Variants in USP8 observed in about 807,000 individuals in gnomAD.
USP8 encodes the protein ubiquitin carboxyl-terminal hydrolase 8.
In USP8, 27 loss-of-function variants were observed where a neutral mutation model predicts 130.0. The observed-to-expected ratio is 0.21, with a 90% CI of 0.15 to 0.29. USP8 has a LOEUF of 0.29. USP8 is among the 10% of genes least tolerant of loss of function. The probability of loss-of-function intolerance (pLI) is 1.00; values close to 1 mark genes in which losing one functional copy is unlikely to be tolerated. For missense variants in USP8, 1,029 were observed against 1,312.2 expected (o/e 0.78, Z 3.33); for synonymous variants, 392 against 444.1 (o/e 0.88, Z 1.48).
chr15:50,471,621 A>T lies in USP8; in HGVS notation c.687-12A>T. On this transcript the variant is annotated splice_polypyrimidine_tract_variant and intron_variant, in intron 7 of 19. Coordinates refer to ENST00000307179, the MANE Select transcript of USP8 (RefSeq NM_005154.5). The stretch of plus-strand genomic sequence containing the variant: ...TGACTTTTGCCCCAATTTAAATATT[A>T]ATACATTTCAGAGTCACTGCTAGTT... The T allele has an allele frequency of 6.2e-7, 1 of 1,605,632 alleles. No homozygotes were observed. Among genetic ancestry groups the T allele is most frequent in the Non-Finnish European group, 8.5e-7 (1 of 1,178,280 alleles).
At position 50,498,921 on chromosome 15, in the gene USP8, G is replaced by T; in HGVS notation, c.3190G>T (p.Asp1064Tyr). 6.2e-7 allele frequency: 1 copy of T among 1,611,324 alleles called. No homozygotes were observed. The highest frequency in any genetic ancestry group is 1.3e-5 in the African/African-American group (1 of 74,912). Residue 1064 changes from aspartate to tyrosine, a missense_variant, in exon 20 of 20, where the codon GAT (aspartate) becomes TAT (tyrosine). Coordinates refer to ENST00000307179, the MANE Select transcript of USP8 (RefSeq NM_005154.5). ...GGCACAGAATCACTACGGTGGGCTG[G>T]ATGGAGGCCACTACACAGCCTATTG... ...FSVSNHYGGL[D>Y]GGHYTAYCKN...
intron 3 of USP8, 69 bp from the exon 4 acceptor site, chr15:50,449,331 G>T (rs1441073526): frequency 2.0e-6 from 2 of 980,836 alleles, no homozygotes; most frequent in Admixed American, 2.9e-5. Flanking sequence ...TGATTTTAAT[G>T]ATTTTAACAC....
intron 3 of USP8, among the ~76,000 whole-genome samples, chr15:50,445,565 A>AAAAAAAAAAAAAAC (rs2050405273): frequency 8.1e-6 from 1 of 123,912 alleles, no homozygotes; most frequent in Admixed American, 8.4e-5. Context: ...AAAAAAAAAA[A>AAAAAAAAAAAAAAC]AAAAGCCTGG....
chr15:50,428,958 G>A lies in USP8; in HGVS notation c.-66+4444G>A, dbSNP rs886725207. Among the ~76,000 whole-genome samples the A allele has an allele frequency of 7.0e-4, 107 of 152,156 alleles. 2 individuals carry two copies. The highest frequency in any genetic ancestry group is 1.3e-4 in the Non-Finnish European group (9 of 68,040). ...CTATAGTCAGTCTGGTAACTGAGAC[G>A]GCCACTTAGTGATTAACAGGCAGGT... On this transcript the variant is annotated intron_variant, in intron 1 of 19. Coordinates refer to ENST00000307179, the MANE Select transcript of USP8 (RefSeq NM_005154.5).
chr15:50,468,235 CTTTT>C (rs71424068), intron 7 of USP8, among the ~76,000 whole-genome samples: 1 of 105,510 alleles, frequency 9.5e-6, no homozygotes. Context: ...TGTACCTGGC[CTTTT>C]TTTTTTTTTT....
chr15:50,448,755 A>G (rs1369437212), intron 3 of USP8, among the ~76,000 whole-genome samples: 1 of 151,998 alleles, frequency 6.6e-6, no homozygotes, highest in Non-Finnish European at 1.5e-5. Flanking sequence ...CCTGTCCTCA[A>G]GTGATGTGCC....
In USP8 at chr15:50,490,009, C is replaced by T. The variant is rs1469614599; in HGVS notation, c.1971+128C>T. 1.4e-5 allele frequency: 12 copies of T among 886,250 alleles called. 1 individual carries two copies. The South Asian group carries it at 1.8e-4, about 13-fold the overall frequency. The allele number at this position is 886,250 out of a possible 1,614,324, so 54.9% of individuals were successfully genotyped here. ...ATTATAGAGAACATAGCTTATTCCCCTAATTATAACAGGGTGAGATTTCTC... is the reference window on the plus strand; with the variant it reads ...ATTATAGAGAACATAGCTTATTCCCTTAATTATAACAGGGTGAGATTTCTC... On this transcript the variant is annotated intron_variant, in intron 13 of 19. Coordinates refer to ENST00000307179, the MANE Select transcript of USP8 (RefSeq NM_005154.5).
intron 8 of USP8, among the ~76,000 whole-genome samples, chr15:50,474,980 G>A (rs2051512260): frequency 6.6e-6 from 1 of 152,066 alleles, no homozygotes; most frequent in Non-Finnish European, 1.5e-5. Flanking sequence ...ATGATGGCGG[G>A]CGCCTGTGAT....
intron 18 of USP8, 121 bp downstream of exon 18, chr15:50,497,352 T>A (rs1210411068): frequency 3.2e-6 from 4 of 1,264,624 alleles, no homozygotes; most frequent in Non-Finnish European, 4.2e-6. Context: ...ATTATCTGGT[T>A]ACAGTAGATC....
At chr15:50,456,012 A>G (rs1353580240) in intron 4 of USP8, among the ~76,000 whole-genome samples, 6 of 152,148 alleles carry the variant, frequency 3.9e-5, no homozygotes, top group African/African-American at 1.2e-4. Flanking sequence ...ACCCCCATCT[A>G]CTTTCTTCCT....
At position 50,502,724 on chromosome 15, in the gene USP8, C is replaced by G. The variant is rs2052608922; in HGVS notation, c.*3636C>G. The stretch of plus-strand genomic sequence containing the variant: ...TGTTGCCCAGGCTGTACATGAATTC[C>G]TAGGCACAAGCAGTCCTCTCACTTC... On this transcript the variant is annotated 3_prime_UTR_variant, in exon 20 of 20. Coordinates refer to ENST00000307179, the MANE Select transcript of USP8 (RefSeq NM_005154.5). 6.6e-6 allele frequency: 1 copy of G among 152,254 alleles called. No individual in the cohort carries two copies. Among genetic ancestry groups the G allele is most frequent in the South Asian group, 2.1e-4 (1 of 4,832 alleles). 9.4% of individuals were successfully genotyped at this position (152,254 alleles called of 1,614,324 possible).
chr15:50,443,280 C>T (rs999820844), intron 3 of USP8, among the ~76,000 whole-genome samples: 1 of 152,028 alleles, frequency 6.6e-6, no homozygotes, highest in African/African-American at 2.4e-5. Context: ...ACCTTGTGAT[C>T]CGCCCCTCTC....
rs1273563290 is a variant in USP8 at position 50,498,667 on chromosome 15, T to G, written c.3110T>G (p.Leu1037Trp). The change falls in exon 19 of 20, where the codon TTG becomes TGG. Residue 1037 changes from leucine (L) to tryptophan (W), a missense_variant. Around this residue, in one of 4 missense-constraint regions of USP8, gnomAD observed 257 missense variants for 429.8 expected, o/e 0.60. Transcript: ENST00000307179. ...SVDFPLENLDLSQYVIGPKNN... is the reference protein window; with the variant it reads ...SVDFPLENLDWSQYVIGPKNN... ...GACTTCCCGTTAGAAAATCTTGACTTGTCACAGTATGTTATTGGTCCAAAG... is the reference window on the plus strand; with the variant it reads ...GACTTCCCGTTAGAAAATCTTGACTGGTCACAGTATGTTATTGGTCCAAAG... The G allele has an allele frequency of 1.2e-6, 2 of 1,613,236 alleles. No homozygotes were observed. The highest frequency in any genetic ancestry group is 4.5e-5 in the East Asian group (2 of 44,850).
chr15:50,484,003 A>G (rs2051864158), intron 11 of USP8, among the ~76,000 whole-genome samples: 1 of 152,172 alleles, frequency 6.6e-6, no homozygotes, highest in African/African-American at 2.4e-5. Flanking sequence ...TACATTAATG[A>G]TCAGCATTTT....
chr15:50,477,166 G>GT (rs1360873091), intron 9 of USP8, 110 bp from the exon 10 acceptor site: 7 of 1,324,642 alleles, frequency 5.3e-6, no homozygotes, highest in South Asian at 4.4e-5. Flanking sequence ...TGTTGTAATT[G>GT]TTTTTTCACT....
intron 10 of USP8, among the ~76,000 whole-genome samples, chr15:50,477,808 C>T (rs2051617443): frequency 6.6e-6 from 1 of 150,538 alleles, no homozygotes; most frequent in Admixed American, 6.6e-5. Context: ...ACCACTGCAC[C>T]CCAGCCTGGG....
At position 50,480,898 on chromosome 15, in the gene USP8, T is replaced by A. The variant is rs190005751; in HGVS notation, c.1219-583T>A. Among the ~76,000 whole-genome samples the A allele has an allele frequency of 3.3e-5, 5 of 152,170 alleles. No homozygotes were observed. In the East Asian group the frequency reaches 9.6e-4, roughly 29 times the overall value. The stretch of plus-strand genomic sequence containing the variant: ...CTGGTGAGAGAGGAGGTTGACATGG[T>A]CTTAGCCTGTGGTAGAAGAGATGGA... On this transcript the variant is annotated intron_variant, in intron 10 of 19. Coordinates refer to ENST00000307179, the MANE Select transcript of USP8 (RefSeq NM_005154.5).
At chr15:50,449,197 C>T (rs560781497) in intron 3 of USP8, among the ~76,000 whole-genome samples, 173 of 152,238 alleles carry the variant, frequency 1.1e-3, no homozygotes, top group African/African-American at 4.1e-3. Context: ...ATCTTTTTAA[C>T]TTACTAATGG....
At chr15:50,439,635 A>C (rs916474690) in intron 2 of USP8, among the ~76,000 whole-genome samples, 2 of 151,356 alleles carry the variant, frequency 1.3e-5, no homozygotes, top group African/African-American at 4.9e-5. Context: ...CTAAAAATAC[A>C]AAAAATTAGC....
Sources: allele counts gnomAD v4.1 joint callset (sites outside exome capture counted in the v4.1 genomes callset), GRCh38; gene constraint gnomAD v4.1.1; regional missense constraint gnomAD v4.1.1; transcripts MANE v1.5; gene names NCBI Gene and HGNC (gene_info 2026-07-23, HGNC 2026-07-21).